The following DNTT variants were observed in gnomAD, a reference collection of about 807,000 sequenced individuals.
DNTT encodes DNA nucleotidylexotransferase, also known as nucleosidetriphosphate:DNA deoxynucleotidylexotransferase.
Under a neutral mutation model 60.9 loss-of-function variants are expected in DNTT, and 47 were observed. That is an observed-to-expected ratio of 0.77 (90% CI 0.61 to 0.98). DNTT has a LOEUF of 0.98. Ranked by LOEUF, DNTT falls within the 50% of genes least tolerant of loss-of-function variation. DNTT has a pLI of 0.00. For synonymous variants in DNTT, 224 were observed against 221.2 expected, an observed-to-expected ratio of 1.01 and a Z score of -0.11; for missense variants, 665 against 627.5, an observed-to-expected ratio of 1.06 and a Z score of -0.64.
Position 96,327,530 on chromosome 10 carries a change from G to T in DNTT, c.937G>T (p.Val313Leu). ...CAGGGCAGAAGCAGAGGCCGTCAGT[G>T]TGCTGGTTAAAGAGGCTGTCTGGGC... ...VTRAEAEAVS[V>L]LVKEAVWAFL... Residue 313 changes from valine to leucine, a missense_variant, in exon 7 of 11, where the codon GTG (valine) becomes TTG (leucine). By Grantham distance (32) the Val-to-Leu change is conservative (BLOSUM62 1). Coordinates refer to ENST00000371174, the MANE Select transcript of DNTT (RefSeq NM_004088.4). 1 of 1,614,138 alleles carries T rather than the reference G, an allele frequency of 6.2e-7. No individual in the cohort carries two copies. The highest frequency in any genetic ancestry group is 8.5e-7 in the Non-Finnish European group (1 of 1,179,970).
In DNTT at chr10:96,304,664, C is replaced by A; in HGVS notation, c.167C>A (p.Ala56Asp). Residue 56 changes from alanine (A) to aspartate (D), a missense_variant, in exon 1 of 11, where the codon GCC becomes GAC. By Grantham distance (126) the Ala-to-Asp change is moderately radical. Transcript: ENST00000371174. ...CGCAGAGCGTTCCTCATGGAGCTGGCCCGCAGGAAAGGGTTCAGGGTTGAA... is the reference window on the plus strand; with the variant it reads ...CGCAGAGCGTTCCTCATGGAGCTGGACCGCAGGAAAGGGTTCAGGGTTGAA... The part of the protein sequence containing the change: ...TTRRAFLMEL[A>D]RRKGFRVENE... 6.2e-7 allele frequency: 1 copy of A among 1,614,054 alleles called. No homozygotes were observed. The highest frequency in any genetic ancestry group is 8.5e-7 in the Non-Finnish European group (1 of 1,179,996).
intron 1 of DNTT, among the ~76,000 whole-genome samples, chr10:96,309,136 C>T (rs998386966): frequency 2.6e-5 from 4 of 152,168 alleles, no homozygotes; most frequent in African/African-American, 9.7e-5. Flanking sequence ...TAACACTTGC[C>T]AAGTTCCATT....
intron 8 of DNTT, among the ~76,000 whole-genome samples, chr10:96,330,916 A>G (rs1281245898): frequency 1.3e-5 from 2 of 152,124 alleles, no homozygotes; most frequent in Admixed American, 1.3e-4. Context: ...ATGGTAACAA[A>G]TCACACATCC....
At position 96,307,359 on chromosome 10, in the gene DNTT, T is replaced by G. The variant is rs12764609; in HGVS notation, c.203+2659T>G. ...GGTTTTCCAGTTTTTTTTTTTTTTT[T>G]TTTTTTTTTTTTTTTGAGACGGAGT... On this transcript the variant is annotated intron_variant, in intron 1 of 10. Coordinates refer to ENST00000371174, the MANE Select transcript of DNTT (RefSeq NM_004088.4). 3.4e-3 allele frequency among the ~76,000 whole-genome samples: 390 copies of G among 113,700 alleles called. 1 individual carries two copies. Among genetic ancestry groups the G allele is most frequent in the Non-Finnish European group, 5.9e-3 (311 of 52,288 alleles). 74.6% of individuals were successfully genotyped at this position (113,700 alleles called of 152,430 possible).
At chr10:96,327,761 G>A (rs903813251) in intron 7 of DNTT, among the ~76,000 whole-genome samples, 161 bp downstream of exon 7, 1 of 152,150 alleles carries the variant, frequency 6.6e-6, no homozygotes, top group Non-Finnish European at 1.5e-5. Context: ...AACCCCAAAT[G>A]GCTTGTCATC....
chr10:96,330,458 G>A (rs1185298946), intron 8 of DNTT, among the ~76,000 whole-genome samples: 1 of 151,932 alleles, frequency 6.6e-6, no homozygotes, highest in Non-Finnish European at 1.5e-5. Context: ...ACTAGTTTCA[G>A]CAAGTTTCCT....
Position 96,338,147 on chromosome 10 carries a change from C to G in DNTT, c.1453C>G (p.Leu485Val). The change falls in exon 11 of 11, where the codon CTC becomes GTC. Residue 485 changes from leucine to valine, a missense_variant. Transcript: ENST00000371174. Reference sequence around the variant, plus strand: ...CTTGTTATGTTTTCAGAGGATATTCCTCAAAGCAGAAAGTGAAGAAGAAAT... The same window carrying G: ...CTTGTTATGTTTTCAGAGGATATTCGTCAAAGCAGAAAGTGAAGAAGAAAT... ...ALYDKTKRIF[L>V]KAESEEEIFA... 6.2e-7 allele frequency: 1 copy of G among 1,612,960 alleles called. No homozygotes were observed. Among genetic ancestry groups the G allele is most frequent in the African/African-American group, 1.3e-5 (1 of 74,994 alleles).
intron 1 of DNTT, among the ~76,000 whole-genome samples, 166 bp from the exon 2 acceptor site, chr10:96,318,186 T>C (rs917130322): frequency 6.6e-6 from 1 of 152,242 alleles, no homozygotes; most frequent in African/African-American, 2.4e-5. Context: ...TACTAATTAA[T>C]GTAGAGAGAA....
chr10:96,332,334 A>G lies in DNTT; in HGVS notation c.1114-17A>G, dbSNP rs200304541. ...TTCATCAGGGCCTTTTCCTGATGCC[A>G]TTCTGTTTCTTTTCAGGGATTACTT... On this transcript the variant is annotated splice_polypyrimidine_tract_variant and intron_variant, in intron 8 of 10. Coordinates refer to ENST00000371174, the MANE Select transcript of DNTT (RefSeq NM_004088.4). The G allele has an allele frequency of 3.5e-4, 568 of 1,610,096 alleles. No individual in the cohort carries two copies. The African/African-American group carries it at 6.3e-3, about 18-fold the overall frequency.
intron 4 of DNTT, among the ~76,000 whole-genome samples, chr10:96,322,231 T>C (rs1227560717): frequency 1.3e-5 from 2 of 152,230 alleles, no homozygotes; most frequent in African/African-American, 4.8e-5. Context: ...GGAAGGGGGC[T>C]CTGAGCTAGA....
intron 10 of DNTT, among the ~76,000 whole-genome samples, 169 bp downstream of exon 10, chr10:96,336,143 G>A (rs1309071161): frequency 6.6e-6 from 1 of 152,130 alleles, no homozygotes; most frequent in Non-Finnish European, 1.5e-5. Flanking sequence ...CCACAGACTC[G>A]CAGTTTCCAC....
In DNTT at chr10:96,328,757, T is replaced by A. The variant is rs1041810408; in HGVS notation, c.1040T>A (p.Leu347Ter). 7 of 1,613,814 alleles carry A rather than the reference T, an allele frequency of 4.3e-6. No homozygotes were observed. Among genetic ancestry groups the A allele is most frequent in the Non-Finnish European group, 5.9e-6 (7 of 1,179,934 alleles). Residue 347 changes from leucine to a stop codon, truncating the protein, a stop_gained, in exon 8 of 11, where the codon TTA becomes TAA. Coordinates refer to ENST00000371174, the MANE Select transcript of DNTT (RefSeq NM_004088.4). LOFTEE classifies it high-confidence loss of function. ...GKKMGHDVDFLITSPGSTEDE... is the reference protein window; with the variant it reads ...GKKMGHDVDF ...AAGATGGGGCATGATGTAGATTTTTTAATTACCAGCCCAGGATCAACAGAG... is the reference window on the plus strand; with the variant it reads ...AAGATGGGGCATGATGTAGATTTTTAAATTACCAGCCCAGGATCAACAGAG...
At chr10:96,319,174 TAC>T in intron 2 of DNTT, 86 bp from the exon 3 acceptor site, 2 of 1,462,134 alleles carry the variant, frequency 1.4e-6, no homozygotes, top group South Asian at 3.0e-5. Context: ...ATCCTCCAAC[TAC>T]AGACAACTAC....
At chr10:96,319,476 C>T in intron 3 of DNTT, 86 bp downstream of exon 3, 1 of 1,577,778 alleles carries the variant, frequency 6.3e-7, no homozygotes, top group Non-Finnish European at 8.6e-7. Flanking sequence ...ATAAATTTTT[C>T]TGAAAACCTG....
chr10:96,337,496 A>G (rs1053047548), intron 10 of DNTT, among the ~76,000 whole-genome samples: 5 of 152,258 alleles, frequency 3.3e-5, no homozygotes, highest in Admixed American at 6.5e-5. Flanking sequence ...GCAGATTCAC[A>G]TAGTACAATG....
At chr10:96,311,945 G>A (rs937237530) in intron 1 of DNTT, among the ~76,000 whole-genome samples, 5 of 152,182 alleles carry the variant, frequency 3.3e-5, no homozygotes, top group Non-Finnish European at 7.4e-5. Context: ...CACCTGGCCA[G>A]TGTGTTTCTT....
chr10:96,304,510 C>G lies in DNTT; in HGVS notation c.13C>G (p.Arg5Gly), dbSNP rs757569416. Residue 5 changes from arginine to glycine, a missense_variant, in exon 1 of 11, where the codon CGA (arginine) becomes GGA (glycine). Transcript: ENST00000371174. The part of the protein sequence containing the change: MDPP[R>G]ASHLSPRKKR... Reference sequence around the variant, plus strand: ...GCAGCCTCTTCCCATGGATCCACCACGAGCGTCCCACTTGAGCCCTCGGAA... The same window carrying G: ...GCAGCCTCTTCCCATGGATCCACCAGGAGCGTCCCACTTGAGCCCTCGGAA... The G allele has an allele frequency of 2.5e-5, 41 of 1,613,594 alleles. No homozygotes were observed. Among genetic ancestry groups the G allele is most frequent in the Non-Finnish European group, 3.2e-5 (38 of 1,180,006 alleles).
intron 2 of DNTT, 111 bp from the exon 3 acceptor site, chr10:96,319,151 C>A: frequency 8.2e-7 from 1 of 1,214,414 alleles, no homozygotes; most frequent in South Asian, 1.9e-5. Context: ...AATTTTGAGT[C>A]TCCTATAATT....
At chr10:96,320,197 T>C (rs1844849780) in intron 3 of DNTT, among the ~76,000 whole-genome samples, 1 of 152,230 alleles carries the variant, frequency 6.6e-6, no homozygotes, top group Non-Finnish European at 1.5e-5. Flanking sequence ...GACCTACGAC[T>C]ACACTCATTC....
Sources: gnomAD v4.1 joint callset for allele counts (sites outside exome capture counted in the v4.1 genomes callset) on GRCh38, gnomAD v4.1.1 for gene constraint, MANE v1.5 for transcripts, NCBI Gene and HGNC (gene_info 2026-07-23, HGNC 2026-07-21) for gene names.